ZMYM2: variants seen among roughly 807,000 people sequenced by gnomAD.
ZMYM2 encodes the protein zinc finger MYM-type protein 2.
ZMYM2 carries 56 observed loss-of-function variants against 162.8 expected under a neutral mutation model. The observed-to-expected ratio is 0.34, with a 90% CI of 0.28 to 0.43. The LOEUF is 0.43. Among genes scored for constraint, ZMYM2 ranks in the 20% least tolerant of loss-of-function variants. The pLI is 1.00. For synonymous variants in ZMYM2, 510 were observed against 541.6 expected (o/e 0.94, Z 0.81); for missense variants, 1,275 against 1,621.8 (o/e 0.79, Z 3.67).
chr13:19,941,825 C>T, the ZMYM2 span, among the ~76,000 whole-genome samples: 3 of 147,384 alleles, frequency 2.0e-5, no homozygotes, highest in East Asian at 6.3e-4. Context: ...TAAGTGCTCA[C>T]TACAGCCTTG....
intron 2 of ZMYM2, among the ~76,000 whole-genome samples, chr13:19,972,413 G>A (rs999962628): frequency 2.6e-5 from 4 of 151,980 alleles, no homozygotes; most frequent in African/African-American, 4.8e-5. Flanking sequence ...GAATTATCTA[G>A]TAATCTTGTG....
At chr13:20,083,563 G>T in intron 23 of ZMYM2, 93 bp from the exon 24 acceptor site, 2 of 990,014 alleles carry the variant, frequency 2.0e-6, no homozygotes, top group Non-Finnish European at 1.5e-6. Flanking sequence ...GGGGCACCTG[G>T]TCCTATTCTT....
intron 1 of ZMYM2, among the ~76,000 whole-genome samples, chr13:19,959,685 C>T (rs533891969): frequency 7.9e-5 from 12 of 152,288 alleles, no homozygotes; most frequent in African/African-American, 1.2e-4. Context: ...TCCCTTCCCC[C>T]CTCCCTTCCC....
the ZMYM2 span, among the ~76,000 whole-genome samples, chr13:19,906,808 A>G: frequency 6.6e-6 from 1 of 151,752 alleles, no homozygotes. Context: ...CAATCCTCCC[A>G]CCTTCCCCTC....
chr13:20,061,311 T>C, intron 17 of ZMYM2, 87 bp downstream of exon 17: 1 of 1,431,628 alleles, frequency 7.0e-7, no homozygotes, highest in South Asian at 1.4e-5. Flanking sequence ...GGGCATATCA[T>C]TTTGTTTCAA....
At position 20,087,770 on chromosome 13, in the gene ZMYM2, T is replaced by C. The variant is rs999204375; in HGVS notation, c.*1756T>C. On this transcript the variant is annotated 3_prime_UTR_variant, in exon 25 of 25. Coordinates refer to ENST00000610343, the MANE Select transcript of ZMYM2 (RefSeq NM_197968.4). ...ATCAGACTGATAGTAGCAAATCTGA[T>C]CATACATTACTAAAATAGATTGCTG... 1 of 186,746 alleles carries C rather than the reference T, an allele frequency of 5.4e-6. No individual in the cohort carries two copies. Among genetic ancestry groups the C allele is most frequent in the Non-Finnish European group, 1.1e-5 (1 of 88,388 alleles). 11.6% of individuals were successfully genotyped at this position (186,746 alleles called of 1,614,324 possible). A position where few individuals can be genotyped will look rare whatever the true frequency, so the allele number is the denominator to read the frequency against.
At chr13:20,026,512 G>A in intron 7 of ZMYM2, 100 bp from the exon 8 acceptor site, 1 of 1,175,764 alleles carries the variant, frequency 8.5e-7, no homozygotes, top group Non-Finnish European at 1.2e-6. Flanking sequence ...GAGATTAACA[G>A]GATTGTTTTG....
At chr13:19,941,849 C>T in the ZMYM2 span, among the ~76,000 whole-genome samples, 7 of 151,376 alleles carry the variant, frequency 4.6e-5, no homozygotes, top group Non-Finnish European at 8.8e-5. Context: ...TGGGCTAAGC[C>T]GATCCTCCCA....
At chr13:19,893,442 A>T in the ZMYM2 span, among the ~76,000 whole-genome samples, 1 of 151,838 alleles carries the variant, frequency 6.6e-6, no homozygotes, top group Non-Finnish European at 1.5e-5. Context: ...TATAACATTT[A>T]ACACACAAAT....
chr13:20,024,576 A>G (rs905478666), intron 7 of ZMYM2: 2 of 224,344 alleles, frequency 8.9e-6, no homozygotes, highest in Middle Eastern at 1.4e-3. Flanking sequence ...ATTTTATAGC[A>G]TTACTAATTT....
intron 6 of ZMYM2, among the ~76,000 whole-genome samples, chr13:20,018,173 A>T (rs547967022): frequency 1.3e-5 from 2 of 152,246 alleles, no homozygotes; most frequent in East Asian, 1.9e-4. Flanking sequence ...TCCCCACATA[A>T]TCTCTACTGA....
chr13:19,881,512 C>A, the ZMYM2 span, among the ~76,000 whole-genome samples: 1 of 151,874 alleles, frequency 6.6e-6, no homozygotes, highest in Non-Finnish European at 1.5e-5. Flanking sequence ...ATCCCAGCTA[C>A]TCGAGAGACT....
chr13:20,007,768 G>T (rs962793067), intron 6 of ZMYM2, among the ~76,000 whole-genome samples: 1 of 151,510 alleles, frequency 6.6e-6, no homozygotes, highest in African/African-American at 2.4e-5. Context: ...TTACAGGCGT[G>T]CACCACCACG....
chr13:20,004,871 A>G (rs565958153), intron 4 of ZMYM2, among the ~76,000 whole-genome samples: 46 of 152,330 alleles, frequency 3.0e-4, no homozygotes, highest in Non-Finnish European at 6.3e-4. Flanking sequence ...CAAAGATTTA[A>G]TAGTATAAAA....
intron 14 of ZMYM2, among the ~76,000 whole-genome samples, chr13:20,057,426 A>G (rs1243711219): frequency 3.3e-5 from 5 of 152,022 alleles, no homozygotes; most frequent in Non-Finnish European, 4.4e-5. Flanking sequence ...ATGTGAGCCA[A>G]TGCCCCCGGC....
Position 20,058,839 on chromosome 13 carries a change from G to A in ZMYM2, c.2623+135G>A, listed in dbSNP as rs537886721. The A allele has an allele frequency of 2.6e-4, 315 of 1,206,710 alleles. 1 individual carries two copies. The South Asian group carries it at 3.6e-3, about 14-fold the overall frequency. 74.8% of individuals were successfully genotyped at this position (1,206,710 alleles called of 1,614,324 possible). On this transcript the variant is annotated intron_variant, in intron 15 of 24. Coordinates refer to ENST00000610343, the MANE Select transcript of ZMYM2 (RefSeq NM_197968.4). ...GTCATTTTCTGTTGATTTTGCTTACGTAATTTTAGATATTACCTGGAGAAT... is the reference window on the plus strand; with the variant it reads ...GTCATTTTCTGTTGATTTTGCTTACATAATTTTAGATATTACCTGGAGAAT...
At chr13:19,938,511 G>GTAAA in the ZMYM2 span, among the ~76,000 whole-genome samples, 4 of 152,058 alleles carry the variant, frequency 2.6e-5, no homozygotes, top group African/African-American at 9.7e-5. Flanking sequence ...AAATAAATAA[G>GTAAA]TAAATAAGTA....
At chr13:20,018,609 C>A (rs955845149) in intron 6 of ZMYM2, among the ~76,000 whole-genome samples, 2 of 152,194 alleles carry the variant, frequency 1.3e-5, no homozygotes, top group Non-Finnish European at 2.9e-5. Context: ...TAATCTAGAT[C>A]CTGGCAGTGG....
chr13:20,010,787 C>T (rs1342836093), intron 6 of ZMYM2, among the ~76,000 whole-genome samples: 4 of 151,518 alleles, frequency 2.6e-5, no homozygotes, highest in African/African-American at 9.7e-5. Flanking sequence ...AGTACAGGTG[C>T]GTGCCACCAC....
Sources: allele counts gnomAD v4.1 joint callset (sites outside exome capture counted in the v4.1 genomes callset), GRCh38; gene constraint gnomAD v4.1.1; transcripts MANE v1.5; gene names NCBI Gene and HGNC (gene_info 2026-07-23, HGNC 2026-07-21).